The following ATP8A2 variants were observed in gnomAD, a reference collection of about 807,000 sequenced individuals.
The protein encoded by ATP8A2 is phospholipid-transporting ATPase IB.
A neutral mutation model predicts 165.6 loss-of-function variants in ATP8A2; 100 were observed. That is an observed-to-expected ratio of 0.60 (90% confidence interval 0.51 to 0.71). The LOEUF (loss-of-function observed/expected upper bound fraction) is 0.71, where lower values mean the gene tolerates loss of function less well. Among genes scored for constraint, ATP8A2 ranks in the 30% least tolerant of loss-of-function variants. The pLI is 0.00. For synonymous variants in ATP8A2, 543 were observed against 548.8 expected (o/e 0.99, Z 0.15); for missense variants, 1,227 against 1,479.5 (o/e 0.83, Z 2.80).
intron 27 of ATP8A2, among the ~76,000 whole-genome samples, chr13:25,819,313 G>A (rs575486777): frequency 1.3e-5 from 2 of 152,154 alleles, no homozygotes; most frequent in African/African-American, 4.8e-5. Context: ...TATAGATGAG[G>A]CCCTGTCATT....
chr13:25,692,716 G>A (rs370276278), intron 24 of ATP8A2, among the ~76,000 whole-genome samples: 1 of 152,172 alleles, frequency 6.6e-6, no homozygotes, highest in South Asian at 2.1e-4. Flanking sequence ...GAGATTATAA[G>A]GTGGTACTGT....
chr13:25,446,886 T>C (rs1203547220), intron 1 of ATP8A2, among the ~76,000 whole-genome samples: 1 of 152,178 alleles, frequency 6.6e-6, no homozygotes, highest in Non-Finnish European at 1.5e-5. Context: ...GGCAAGGTCT[T>C]GCTCTGTCAT....
chr13:25,704,859 G>A (rs950365301), intron 25 of ATP8A2, among the ~76,000 whole-genome samples: 2 of 152,146 alleles, frequency 1.3e-5, no homozygotes, highest in African/African-American at 4.8e-5. Context: ...AGCATTTTAT[G>A]TTCTATCTGA....
chr13:25,532,853 G>A (rs896477743), intron 5 of ATP8A2, among the ~76,000 whole-genome samples: 29 of 152,006 alleles, frequency 1.9e-4, no homozygotes, highest in African/African-American at 7.0e-4. Context: ...TTTTGGTAGA[G>A]ATGGGTTTCA....
intron 1 of ATP8A2, among the ~76,000 whole-genome samples, chr13:25,423,755 T>C (rs2138113214): frequency 6.6e-6 from 1 of 152,320 alleles, no homozygotes; most frequent in Middle Eastern, 3.4e-3. Flanking sequence ...AGATCAGATG[T>C]TTGGCATAGA....
chr13:25,685,181 C>A (rs1282067651), intron 24 of ATP8A2, among the ~76,000 whole-genome samples: 2 of 152,160 alleles, frequency 1.3e-5, no homozygotes, highest in African/African-American at 4.8e-5. Context: ...CCTGCCCAGG[C>A]CTCACACTCA....
chr13:25,958,345 G>A (rs1955579620), intron 33 of ATP8A2, among the ~76,000 whole-genome samples: 1 of 152,132 alleles, frequency 6.6e-6, no homozygotes, highest in Non-Finnish European at 1.5e-5. Flanking sequence ...CCACATTCGT[G>A]GACAGCTAGT....
At chr13:25,914,050 T>G (rs1954198970) in intron 33 of ATP8A2, among the ~76,000 whole-genome samples, 2 of 152,218 alleles carry the variant, frequency 1.3e-5, no homozygotes, top group African/African-American at 4.8e-5. Context: ...CACTTGATGT[T>G]TGTGCCATTA....
chr13:25,528,818 A>G (rs186196266), intron 2 of ATP8A2, among the ~76,000 whole-genome samples: 691 of 67,866 alleles, frequency 0.01, 43 homozygotes, highest in African/African-American at 0.028. Flanking sequence ...CAACATGTGT[A>G]TGCACACATA....
chr13:25,432,970 T>G (rs1273856574), intron 1 of ATP8A2, among the ~76,000 whole-genome samples: 1 of 151,856 alleles, frequency 6.6e-6, no homozygotes, highest in Non-Finnish European at 1.5e-5. Flanking sequence ...GAATGGGGAG[T>G]AGTTAGCTTC....
At chr13:25,437,594 T>C (rs1267178170) in intron 1 of ATP8A2, among the ~76,000 whole-genome samples, 1 of 152,218 alleles carries the variant, frequency 6.6e-6, no homozygotes, top group African/African-American at 2.4e-5. Context: ...ATACGACTAT[T>C]TTAAAATAAA....
At chr13:25,422,065 G>A (rs751504401) in intron 1 of ATP8A2, among the ~76,000 whole-genome samples, 2 of 152,158 alleles carry the variant, frequency 1.3e-5, no homozygotes, top group African/African-American at 2.4e-5. Flanking sequence ...AAGAGGTGTA[G>A]GGCTCAAACC....
At chr13:25,914,516 C>A (rs1032630991) in intron 33 of ATP8A2, among the ~76,000 whole-genome samples, 1 of 152,142 alleles carries the variant, frequency 6.6e-6, no homozygotes, top group Admixed American at 6.5e-5. Context: ...TTTTTTTATG[C>A]TCTTACTATT....
intron 24 of ATP8A2, 49 bp downstream of exon 24, chr13:25,589,748 CTCTT>C (rs1156395496): frequency 2.6e-6 from 3 of 1,138,670 alleles, no homozygotes; most frequent in African/African-American, 1.6e-5. Context: ...CAGTATTAAA[CTCTT>C]TCTTTCTACT....
intron 32 of ATP8A2, 148 bp downstream of exon 32, chr13:25,861,008 G>A (rs1357860965): frequency 1.6e-6 from 1 of 641,362 alleles, no homozygotes; most frequent in East Asian, 2.8e-5. Context: ...TCTTGATCAG[G>A]GTAAATTTGC....
intron 27 of ATP8A2, among the ~76,000 whole-genome samples, chr13:25,802,961 T>TG (rs1950652645): frequency 2.6e-5 from 4 of 152,096 alleles, no homozygotes; most frequent in Non-Finnish European, 5.9e-5. Context: ...AGGTGAGTTT[T>TG]TTTTTTTTTA....
chr13:25,513,307 C>T (rs1367448151), intron 2 of ATP8A2, among the ~76,000 whole-genome samples: 10 of 151,972 alleles, frequency 6.6e-5, no homozygotes, highest in South Asian at 2.1e-4. Context: ...GGGTGCTCCT[C>T]ACATCCCAGA....
intron 33 of ATP8A2, among the ~76,000 whole-genome samples, chr13:25,886,859 T>G (rs568356048): frequency 6.6e-6 from 1 of 152,204 alleles, no homozygotes; most frequent in Non-Finnish European, 1.5e-5. Flanking sequence ...ATAGGCTTTA[T>G]TTACATGGTA....
chr13:25,985,467 T>C (rs1956262008), intron 35 of ATP8A2, among the ~76,000 whole-genome samples: 1 of 152,248 alleles, frequency 6.6e-6, no homozygotes, highest in African/African-American at 2.4e-5. Flanking sequence ...CAGTTGCCGA[T>C]ACCAGAGACC....
Sources: allele counts gnomAD v4.1 joint callset (sites outside exome capture counted in the v4.1 genomes callset), GRCh38; gene constraint gnomAD v4.1.1; transcripts MANE v1.5; gene names NCBI Gene and HGNC (gene_info 2026-07-23, HGNC 2026-07-21).